Variants in ZNF608 observed in about 807,000 individuals in gnomAD.
The protein encoded by ZNF608 is zinc finger protein 608.
Under a neutral mutation model 109.0 loss-of-function variants are expected in ZNF608, and 12 were observed. That is an observed-to-expected ratio of 0.11 (90% CI 0.07 to 0.18). ZNF608 has a LOEUF of 0.18. ZNF608 is among the 10% of genes least tolerant of loss of function. The pLI is 1.00. For missense variants in ZNF608, 1,707 were observed against 1,879.3 expected, an observed-to-expected ratio of 0.91 and a Z score of 1.70; for synonymous variants, 732 against 717.4, an observed-to-expected ratio of 1.02 and a Z score of -0.33.
chr5:124,672,690 T>G (rs561643786), intron 3 of ZNF608, among the ~76,000 whole-genome samples: 1 of 152,210 alleles, frequency 6.6e-6, no homozygotes, highest in African/African-American at 2.4e-5. Context: ...ATACTGAGCC[T>G]ATTAAATTTA....
Position 124,648,998 on chromosome 5 carries a change from T to C in ZNF608, c.1386A>G (p.Arg462=), listed in dbSNP as rs1463532691. 6 of 1,613,982 alleles carry C rather than the reference T, an allele frequency of 3.7e-6. No homozygotes were observed. The highest frequency in any genetic ancestry group is 1.1e-5 in the South Asian group (1 of 91,084). The part of the protein sequence containing the change: ...TESRGLQNKN[R]GGANGKGRRG... ...GCCTCCCTTTCCCATTGGCCCCCCC[T>C]CTGTTCTTATTCTGCAGCCCTCTGG... Residue 462 remains arginine (R), a synonymous_variant, in exon 5 of 10, where the codon AGA becomes AGG. Coordinates refer to ENST00000513986, the MANE Select transcript of ZNF608 (RefSeq NM_020747.3).
chr5:124,743,327 C>T (rs971089360), intron 2 of ZNF608, among the ~76,000 whole-genome samples: 3 of 152,176 alleles, frequency 2.0e-5, no homozygotes, highest in South Asian at 2.1e-4. Flanking sequence ...TCTTAGCAGC[C>T]GTCCAGCTCC....
intron 2 of ZNF608, among the ~76,000 whole-genome samples, chr5:124,722,576 TACACACACACACACACACACAC>T (rs10556672): frequency 6.2e-5 from 9 of 144,974 alleles, no homozygotes; most frequent in African/African-American, 2.5e-5. Context: ...ACCCTTAAAA[TACACACACACACACACACACAC>T]ACACACACAC....
At chr5:124,704,590 T>G (rs932487037) in intron 2 of ZNF608, among the ~76,000 whole-genome samples, 2 of 152,222 alleles carry the variant, frequency 1.3e-5, no homozygotes, top group Non-Finnish European at 2.9e-5. Context: ...TTCCAGTTTT[T>G]TTTAGCAACA....
chr5:124,743,140 G>A (rs1749487148), intron 2 of ZNF608, among the ~76,000 whole-genome samples: 1 of 152,190 alleles, frequency 6.6e-6, no homozygotes, highest in South Asian at 2.1e-4. Context: ...CCAAGGCAGT[G>A]TCTAACTATA....
chr5:124,716,142 CAAA>C (rs1232356378), intron 2 of ZNF608, among the ~76,000 whole-genome samples: 2 of 73,958 alleles, frequency 2.7e-5, no homozygotes, highest in Admixed American at 1.6e-4. Context: ...GAATCCGTCT[CAAA>C]AAAAAAAAAA....
chr5:124,722,015 C>T (rs1269025386), intron 2 of ZNF608, among the ~76,000 whole-genome samples: 1 of 146,552 alleles, frequency 6.8e-6, no homozygotes, highest in Non-Finnish European at 1.5e-5. Context: ...TCCCCCAATT[C>T]CCAGTTCTAG....
intron 3 of ZNF608, among the ~76,000 whole-genome samples, chr5:124,696,036 T>G (rs1479362176): frequency 2.0e-5 from 3 of 151,662 alleles, no homozygotes; most frequent in African/African-American, 7.3e-5. Flanking sequence ...ATACAAAAAT[T>G]ATCGAGGTGT....
Position 124,648,149 on chromosome 5 carries a change from A to C in ZNF608, c.2235T>G (p.Thr745=). 9.6e-7 allele frequency: 1 copy of C among 1,039,202 alleles called. No homozygotes were observed. The highest frequency in any genetic ancestry group is 1.4e-6 in the Non-Finnish European group (1 of 721,878). The allele number at this position is 1,039,202 out of a possible 1,614,324, so 64.4% of individuals were successfully genotyped here. Residue 745 remains threonine, a synonymous_variant, in exon 5 of 10, where the codon ACT becomes ACG. Transcript: ENST00000513986. Reference sequence around the variant, plus strand: ...TGGGTATAGCGATTAGCTGCGGGGGAGTGGGGGCTGGGGCAGGGGCAATGG... The same window carrying C: ...TGGGTATAGCGATTAGCTGCGGGGGCGTGGGGGCTGGGGCAGGGGCAATGG... ...ARPIAPAPAP[T]PPQLIAIPTA... is the part of the protein sequence containing the mutation.
intron 3 of ZNF608, among the ~76,000 whole-genome samples, chr5:124,653,942 T>C (rs1750900532): frequency 1.3e-5 from 2 of 152,196 alleles, no homozygotes; most frequent in Non-Finnish European, 2.9e-5. Flanking sequence ...TGTGTCCTTT[T>C]TCTCTCCAGC....
Position 124,746,206 on chromosome 5 carries a change from T to C in ZNF608, c.-195A>G. The C allele has an allele frequency of 1.0e-6, 1 of 985,404 alleles. No individual in the cohort carries two copies. The highest frequency in any genetic ancestry group is 1.2e-6 in the Non-Finnish European group (1 of 829,924). The allele number at this position is 985,404 out of a possible 1,614,324, so 61.0% of individuals were successfully genotyped here. ...CAGACATTGCTTACCTTTTAATCCT[T>C]TATCATTTTTTAATTAGGCCAGCAA... On this transcript the variant is annotated 5_prime_UTR_variant, in exon 1 of 10. Transcript: ENST00000513986.
chr5:124,694,445 T>C (rs1244531400), intron 3 of ZNF608, among the ~76,000 whole-genome samples: 2 of 152,068 alleles, frequency 1.3e-5, no homozygotes, highest in Non-Finnish European at 2.9e-5. Context: ...AATATACAGA[T>C]TTGATTCACT....
intron 3 of ZNF608, among the ~76,000 whole-genome samples, chr5:124,659,213 C>T (rs780090564): frequency 6.6e-5 from 10 of 151,300 alleles, no homozygotes; most frequent in African/African-American, 1.9e-4. Context: ...GCCATTACTT[C>T]GACTAGAAAA....
At chr5:124,731,591 T>C (rs897105388) in intron 2 of ZNF608, among the ~76,000 whole-genome samples, 1 of 151,894 alleles carries the variant, frequency 6.6e-6, no homozygotes, top group Non-Finnish European at 1.5e-5. Context: ...TTTGGGAGGC[T>C]GAGGCGGGCA....
At chr5:124,704,423 C>T (rs190502163) in intron 2 of ZNF608, among the ~76,000 whole-genome samples, 242 of 152,110 alleles carry the variant, frequency 1.6e-3, no homozygotes, top group African/African-American at 5.0e-3. Flanking sequence ...TGTGAGATGT[C>T]GGGATTGGGG....
intron 3 of ZNF608, among the ~76,000 whole-genome samples, chr5:124,663,337 A>G (rs1751353124): frequency 6.6e-6 from 1 of 152,224 alleles, no homozygotes; most frequent in Admixed American, 6.5e-5. Context: ...GTGTGGCCGT[A>G]GAAGGTACAC....
chr5:124,706,054 A>G (rs978887629), intron 2 of ZNF608, among the ~76,000 whole-genome samples: 12 of 152,212 alleles, frequency 7.9e-5, no homozygotes, highest in African/African-American at 2.9e-4. Flanking sequence ...TAATCATACA[A>G]ATATAGCAAA....
At chr5:124,734,467 C>T (rs1478117353) in intron 2 of ZNF608, among the ~76,000 whole-genome samples, 1 of 152,146 alleles carries the variant, frequency 6.6e-6, no homozygotes, top group Non-Finnish European at 1.5e-5. Flanking sequence ...ACCCTCTATA[C>T]AGAACCACCC....
In ZNF608 at chr5:124,744,188, T is replaced by G. The variant is rs1266166604; in HGVS notation, c.802A>C (p.Lys268Gln). The G allele has an allele frequency of 6.2e-7, 1 of 1,613,732 alleles. No homozygotes were observed. Among genetic ancestry groups the G allele is most frequent in the Non-Finnish European group, 8.5e-7 (1 of 1,180,008 alleles). The change falls in exon 2 of 10, where the codon AAA becomes CAA. Residue 268 changes from lysine to glutamine, a missense_variant. Lys to Gln is a moderately conservative substitution (Grantham distance 53). Coordinates refer to ENST00000513986, the MANE Select transcript of ZNF608 (RefSeq NM_020747.3). This position sits in a 1 kb window ranked among gnomAD's most constrained non-coding sequence, Gnocchi z 4.5. The part of the protein sequence containing the change: ...GSVAAAGEVS[K>Q]SAPDSGLMGN... ...ATGAGCCCTGAATCCGGGGCACTTT[T>G]GCTAACTTCCCCTGCAGCGGCGACG...
Sources: allele counts gnomAD v4.1 joint callset (sites outside exome capture counted in the v4.1 genomes callset), GRCh38; gene constraint gnomAD v4.1.1; non-coding constraint Gnocchi (gnomAD v3.1); transcripts MANE v1.5; gene names NCBI Gene and HGNC (gene_info 2026-07-23, HGNC 2026-07-21).